The following NAV2 variants were observed in gnomAD, a reference collection of about 807,000 sequenced individuals.
NAV2 encodes helicase, APC down-regulated 1.
Under a neutral mutation model 223.2 loss-of-function variants are expected in NAV2, and 54 were observed. The ratio of observed to expected loss-of-function variants is 0.24; its 90% CI spans 0.19 to 0.30. NAV2 has a LOEUF of 0.30. Among genes scored for constraint, NAV2 ranks in the 10% least tolerant of loss-of-function variants. The pLI is 1.00. For synonymous variants in NAV2, 1,279 were observed against 1,239.3 expected (o/e 1.03, Z -0.67); for missense variants, 2,806 against 3,147.5 (o/e 0.89, Z 2.60).
chr11:19,723,655 A>G (rs2050962852), intron 1 of NAV2, among the ~76,000 whole-genome samples: 1 of 152,066 alleles, frequency 6.6e-6, no homozygotes, highest in Non-Finnish European at 1.5e-5. Context: ...GAGGAGCCCT[A>G]TTTGGCCTTT....
chr11:20,006,520 C>G (rs942247553), intron 11 of NAV2, among the ~76,000 whole-genome samples: 1 of 151,964 alleles, frequency 6.6e-6, no homozygotes, highest in Non-Finnish European at 1.5e-5. Context: ...ACAAAAAATA[C>G]AAAAATTAGC....
chr11:19,432,959 G>A (rs1034509987), intron 1 of NAV2, among the ~76,000 whole-genome samples: 4 of 152,194 alleles, frequency 2.6e-5, no homozygotes, highest in Admixed American at 1.3e-4. Context: ...AGGCACTGAT[G>A]TTAACCCCAT....
rs74449276 is a variant in NAV2, at chr11:19,532,945, C to T, written c.75+181918C>T. 5.2e-3 allele frequency among the ~76,000 whole-genome samples: 799 copies of T among 152,252 alleles called. 4 individuals carry two copies. The highest frequency in any genetic ancestry group is 0.019 in the African/African-American group (777 of 41,538). ...GGTAACTCATCCCCAATCCTGTGGA[C>T]TCTCGGTTTAGTGCTCTTTGACCAT... On this transcript the variant is annotated intron_variant, in intron 1 of 37. Transcript: ENST00000360655.
chr11:20,057,604 A>G (rs1257368122), intron 19 of NAV2, among the ~76,000 whole-genome samples: 1 of 152,220 alleles, frequency 6.6e-6, no homozygotes, highest in African/African-American at 2.4e-5. Flanking sequence ...TAGTCAGTGT[A>G]CTGGCCAAGC....
At chr11:19,452,424 C>G (rs960778722) in intron 1 of NAV2, among the ~76,000 whole-genome samples, 1 of 152,130 alleles carries the variant, frequency 6.6e-6, no homozygotes, top group Non-Finnish European at 1.5e-5. Flanking sequence ...TCCAAAAAGA[C>G]CTCTAGGACA....
intron 1 of NAV2, among the ~76,000 whole-genome samples, chr11:19,455,758 T>A (rs1186842814): frequency 6.6e-6 from 1 of 152,190 alleles, no homozygotes; most frequent in Admixed American, 6.5e-5. Flanking sequence ...CTTTGTGCAT[T>A]TACCTCTGTG....
At chr11:19,779,295 C>T (rs771690250) in intron 1 of NAV2, among the ~76,000 whole-genome samples, 1 of 152,168 alleles carries the variant, frequency 6.6e-6, no homozygotes, top group Non-Finnish European at 1.5e-5. Flanking sequence ...GTTTCTGTCC[C>T]GTGTATCCCA....
intron 1 of NAV2, among the ~76,000 whole-genome samples, chr11:19,473,264 T>C (rs969584689): frequency 6.6e-6 from 1 of 152,106 alleles, no homozygotes; most frequent in Non-Finnish European, 1.5e-5. Context: ...GCTAGAACTC[T>C]TGAAGATAGG....
At chr11:19,701,633 G>A (rs2049513311) in intron 1 of NAV2, among the ~76,000 whole-genome samples, 1 of 152,224 alleles carries the variant, frequency 6.6e-6, no homozygotes, top group Non-Finnish European at 1.5e-5. Flanking sequence ...TCTGATAAAT[G>A]TGTGTGAATG....
chr11:19,675,214 C>T (rs1480097779), intron 1 of NAV2, among the ~76,000 whole-genome samples: 1 of 152,222 alleles, frequency 6.6e-6, no homozygotes, highest in South Asian at 2.1e-4. Context: ...CTCCCTGACT[C>T]TACGCCATGG....
At chr11:19,431,505 C>T (rs543620350) in intron 1 of NAV2, among the ~76,000 whole-genome samples, 10 of 152,280 alleles carry the variant, frequency 6.6e-5, no homozygotes, top group East Asian at 1.9e-4. Flanking sequence ...AATATTGTTC[C>T]AAGAAACTCT....
intron 1 of NAV2, among the ~76,000 whole-genome samples, chr11:19,582,806 T>A (rs970115123): frequency 6.6e-6 from 1 of 152,216 alleles, no homozygotes; most frequent in Non-Finnish European, 1.5e-5. Flanking sequence ...GTGTGATGTC[T>A]CCAGCTTTGT....
At chr11:19,646,113 A>T (rs755479872) in intron 1 of NAV2, among the ~76,000 whole-genome samples, 2 of 152,220 alleles carry the variant, frequency 1.3e-5, no homozygotes, top group Non-Finnish European at 2.9e-5. Context: ...CTTGCAGATT[A>T]TCCCCTGGCT....
intron 1 of NAV2, among the ~76,000 whole-genome samples, chr11:19,470,173 C>A (rs545257084): frequency 2.0e-5 from 3 of 152,314 alleles, no homozygotes; most frequent in Admixed American, 1.3e-4. Flanking sequence ...GGTGTTTAGA[C>A]CATTCCCTAG....
chr11:19,350,956 G>A (rs1368409464), exon 1 of NAV2: 1 of 1,551,590 alleles, frequency 6.4e-7, no homozygotes, highest in African/African-American at 1.4e-5. Context: ...CTGGGAAATG[G>A]AATCGGTTTC....
At chr11:19,657,712 C>T (rs1358452567) in intron 1 of NAV2, among the ~76,000 whole-genome samples, 2 of 152,154 alleles carry the variant, frequency 1.3e-5, no homozygotes, top group African/African-American at 4.8e-5. Context: ...CGAAGATCAT[C>T]TACTGCTCTG....
At chr11:19,363,553 A>G (rs555036881) in intron 1 of NAV2, among the ~76,000 whole-genome samples, 3 of 152,196 alleles carry the variant, frequency 2.0e-5, no homozygotes, top group Admixed American at 2.0e-4. Context: ...ATTTCTATCC[A>G]CGGAATACTT....
chr11:19,878,011 A>G (rs2062961175), intron 4 of NAV2, among the ~76,000 whole-genome samples: 1 of 152,142 alleles, frequency 6.6e-6, no homozygotes, highest in Non-Finnish European at 1.5e-5. Context: ...GGAAGGAAGC[A>G]TGGCTGAAGG....
intron 16 of NAV2, 51 bp from the exon 17 acceptor site, chr11:20,051,238 C>T (rs779305839): frequency 1.3e-6 from 2 of 1,522,250 alleles, no homozygotes; most frequent in Admixed American, 3.3e-5. Context: ...CCTCTCTCTG[C>T]CTTCTGTGTG....
Sources: gnomAD v4.1 joint callset for allele counts (sites outside exome capture counted in the v4.1 genomes callset) on GRCh38, gnomAD v4.1.1 for gene constraint, MANE v1.5 for transcripts, NCBI Gene and HGNC (gene_info 2026-07-23, HGNC 2026-07-21) for gene names.